Variants in MAGI1 observed in about 807,000 individuals in gnomAD.
MAGI1 encodes membrane associated guanylate kinase, WW and PDZ domain containing 1.
Under a neutral mutation model 139.9 loss-of-function variants are expected in MAGI1, and 58 were observed. That is an observed-to-expected ratio of 0.41 (90% CI 0.34 to 0.52). The LOEUF (loss-of-function observed/expected upper bound fraction) is 0.52. Ranked by LOEUF, MAGI1 falls within the 20% of genes least tolerant of loss-of-function variation. The pLI is 0.12. For missense variants in MAGI1, 1,874 were observed against 1,901.6 expected (o/e 0.99, Z 0.27); for synonymous variants, 812 against 737.9 (o/e 1.10, Z -1.63).
chr3:65,429,034 G>A (rs1342988425), intron 12 of MAGI1, among the ~76,000 whole-genome samples: 1 of 152,166 alleles, frequency 6.6e-6, no homozygotes, highest in Non-Finnish European at 1.5e-5. Flanking sequence ...AGAGGAACAT[G>A]AGACAAGTTT....
At chr3:65,429,437 C>A in intron 12 of MAGI1, 83 bp downstream of exon 12, 1 of 1,346,700 alleles carries the variant, frequency 7.4e-7, no homozygotes, top group Non-Finnish European at 1.0e-6. Flanking sequence ...TAAAAAGCCC[C>A]CAGTGGTCAT....
At chr3:65,359,066 T>G in intron 22 of MAGI1, 1 of 1,613,254 alleles carries the variant, frequency 6.2e-7, no homozygotes, top group Non-Finnish European at 8.5e-7. Flanking sequence ...CTACAAACCG[T>G]AGTTTGATTA....
chr3:65,502,950 TA>T, intron 2 of MAGI1, among the ~76,000 whole-genome samples: 1 of 150,444 alleles, frequency 6.6e-6, no homozygotes. Flanking sequence ...AGAGAGGGGG[TA>T]AAAATCCATG....
At chr3:65,900,688 C>T (rs191674251) in intron 1 of MAGI1, among the ~76,000 whole-genome samples, 3 of 152,338 alleles carry the variant, frequency 2.0e-5, no homozygotes, top group Admixed American at 1.3e-4. Context: ...TACCCTGTCT[C>T]CCCAGTCTTC....
intron 5 of MAGI1, among the ~76,000 whole-genome samples, chr3:65,456,103 A>C (rs1949370496): frequency 6.6e-6 from 1 of 152,220 alleles, no homozygotes; most frequent in Non-Finnish European, 1.5e-5. Flanking sequence ...TGTTTTCTAG[A>C]ATGCCAGACA....
At chr3:65,783,606 A>C (rs980246774) in intron 1 of MAGI1, among the ~76,000 whole-genome samples, 3 of 151,586 alleles carry the variant, frequency 2.0e-5, no homozygotes, top group African/African-American at 7.3e-5. Context: ...CAATCCTCCC[A>C]CCTCAGCCTC....
At chr3:65,397,636 T>G (rs1035986442) in intron 13 of MAGI1, among the ~76,000 whole-genome samples, 6 of 152,180 alleles carry the variant, frequency 3.9e-5, no homozygotes, top group Admixed American at 6.5e-5. Flanking sequence ...GTTTCCTATG[T>G]TGCCTAGGCT....
intron 1 of MAGI1, among the ~76,000 whole-genome samples, chr3:65,705,270 C>T (rs2029995583): frequency 6.6e-6 from 1 of 150,688 alleles, no homozygotes; most frequent in Admixed American, 6.6e-5. Flanking sequence ...TTTTCTCTGC[C>T]CTAGAAAATT....
At chr3:65,769,827 T>G (rs2037805124) in intron 1 of MAGI1, among the ~76,000 whole-genome samples, 1 of 152,174 alleles carries the variant, frequency 6.6e-6, no homozygotes, top group Non-Finnish European at 1.5e-5. Context: ...AAGTTCAGGT[T>G]TTCGGATAGA....
intron 12 of MAGI1, among the ~76,000 whole-genome samples, chr3:65,402,998 T>C (rs1374768523): frequency 6.6e-6 from 1 of 152,172 alleles, no homozygotes; most frequent in East Asian, 1.9e-4. Flanking sequence ...GAGATTCTGA[T>C]ACAGAGAATC....
intron 1 of MAGI1, among the ~76,000 whole-genome samples, chr3:65,667,912 G>A (rs958803626): frequency 7.9e-5 from 12 of 152,142 alleles, no homozygotes; most frequent in Non-Finnish European, 1.2e-4. Flanking sequence ...CTGGACATGT[G>A]TATGGCACAG....
At chr3:65,736,591 A>C (rs2034757094) in intron 1 of MAGI1, among the ~76,000 whole-genome samples, 1 of 152,158 alleles carries the variant, frequency 6.6e-6, no homozygotes, top group South Asian at 2.1e-4. Context: ...CAGCACTGGT[A>C]TAAATCCTCC....
intron 1 of MAGI1, among the ~76,000 whole-genome samples, chr3:66,028,103 G>A (rs184422628): frequency 2.0e-5 from 3 of 152,286 alleles, no homozygotes; most frequent in Admixed American, 1.3e-4. Context: ...CCAGGAGCTC[G>A]AGACCAGCCT....
intron 1 of MAGI1, among the ~76,000 whole-genome samples, chr3:65,656,110 C>T (rs1010817617): frequency 1.3e-5 from 2 of 151,928 alleles, no homozygotes; most frequent in Admixed American, 1.3e-4. Context: ...CTCCTAATGT[C>T]ATCAAGTCTG....
rs748055573 is a variant in MAGI1 at position 65,379,421 on chromosome 3, G to A, written c.2835C>T (p.Ser945=). Reference sequence around the variant, plus strand: ...CACTGCCGATGCCGCTGGTGCTGCCGCTGCCCGAGCTCACCGTGTTCAGCG... The same window carrying A: ...CACTGCCGATGCCGCTGGTGCTGCCACTGCCCGAGCTCACCGTGTTCAGCG... ...QNSLNTVSSG[S]GSTSGIGSGG... The change falls in exon 17 of 23, where the codon AGC becomes AGT. Residue 945 remains serine (S), a synonymous_variant. Coordinates refer to ENST00000402939, the MANE Select transcript of MAGI1 (RefSeq NM_001033057.2). 6 of 1,613,508 alleles carry A rather than the reference G, an allele frequency of 3.7e-6. No homozygotes were observed. The highest frequency in any genetic ancestry group is 2.5e-6 in the Non-Finnish European group (3 of 1,179,634).
intron 1 of MAGI1, among the ~76,000 whole-genome samples, chr3:65,723,080 T>C (rs941405841): frequency 2.0e-5 from 3 of 152,068 alleles, no homozygotes; most frequent in Non-Finnish European, 2.9e-5. Context: ...ACTGTCATCA[T>C]ACAGGTCAGA....
At chr3:65,925,381 A>G (rs1347761655) in intron 1 of MAGI1, 1 of 152,206 alleles carries the variant, frequency 6.6e-6, no homozygotes, top group Non-Finnish European at 1.5e-5. Flanking sequence ...CAGAATGACA[A>G]TAAAGGGCAC....
At chr3:65,885,095 C>G (rs185663445) in intron 1 of MAGI1, among the ~76,000 whole-genome samples, 2 of 151,906 alleles carry the variant, frequency 1.3e-5, no homozygotes, top group African/African-American at 4.8e-5. Flanking sequence ...AAAATAGATA[C>G]CTGGATGAAA....
chr3:65,702,517 C>T (rs930124636), intron 1 of MAGI1, among the ~76,000 whole-genome samples: 1 of 152,134 alleles, frequency 6.6e-6, no homozygotes, highest in African/African-American at 2.4e-5. Flanking sequence ...ACTAGTCTTG[C>T]TAGCCTCTTC....
Sources: allele counts gnomAD v4.1 joint callset (sites outside exome capture counted in the v4.1 genomes callset), GRCh38; gene constraint gnomAD v4.1.1; transcripts MANE v1.5; gene names NCBI Gene and HGNC (gene_info 2026-07-23, HGNC 2026-07-21).